Variants in LCORL observed in about 807,000 individuals in gnomAD.
The protein encoded by LCORL is ligand-dependent nuclear receptor corepressor-like protein.
LCORL carries 41 observed loss-of-function variants against 141.8 expected under a neutral mutation model. The observed-to-expected ratio is 0.29, with a 90% confidence interval of 0.23 to 0.38. The LOEUF (loss-of-function observed/expected upper bound fraction) is 0.38, where lower values mean the gene tolerates loss of function less well. Ranked by LOEUF, LCORL falls within the 10% of genes least tolerant of loss-of-function variation. The pLI is 1.00. For missense variants in LCORL, 1,759 were observed against 2,035.0 expected (o/e 0.86, Z 2.61); for synonymous variants, 618 against 694.1 (o/e 0.89, Z 1.72).
intron 5 of LCORL, among the ~76,000 whole-genome samples, chr4:17,906,316 A>G (rs887504406): frequency 6.6e-6 from 1 of 152,176 alleles, no homozygotes; most frequent in Non-Finnish European, 1.5e-5. Context: ...GTAGCTTTCT[A>G]TGACCCTAAG....
At chr4:17,912,573 A>T in intron 4 of LCORL, 1 of 436,688 alleles carries the variant, frequency 2.3e-6, no homozygotes, top group Non-Finnish European at 4.4e-6. Flanking sequence ...GGAGCTGCTG[A>T]GATGGTGCTC....
intron 6 of LCORL, among the ~76,000 whole-genome samples, chr4:17,885,325 A>T (rs1192219141): frequency 6.6e-6 from 1 of 151,988 alleles, no homozygotes; most frequent in Non-Finnish European, 1.5e-5. Flanking sequence ...GATATTATAA[A>T]TGTCACTATT....
chr4:17,932,564 T>TA (rs1736218669), intron 4 of LCORL, among the ~76,000 whole-genome samples: 1 of 152,158 alleles, frequency 6.6e-6, no homozygotes, highest in Admixed American at 6.5e-5. Flanking sequence ...GCTTTAGCCT[T>TA]AAATAAAATA....
At chr4:17,978,635 GT>G (rs1227585320) in intron 1 of LCORL, among the ~76,000 whole-genome samples, 2 of 151,752 alleles carry the variant, frequency 1.3e-5, no homozygotes, top group African/African-American at 4.8e-5. Flanking sequence ...TTCACTTTGG[GT>G]GGTGGGAACT....
chr4:17,896,712 TC>T (rs1321700210), intron 5 of LCORL, among the ~76,000 whole-genome samples: 2 of 152,196 alleles, frequency 1.3e-5, no homozygotes, highest in Non-Finnish European at 2.9e-5. Flanking sequence ...CAAGCATTTA[TC>T]CTTTGTGTTG....
intron 6 of LCORL, chr4:17,882,516 C>T: frequency 2.0e-6 from 2 of 984,544 alleles, no homozygotes; most frequent in Non-Finnish European, 2.4e-6. Flanking sequence ...CACTGCCCAG[C>T]TTCTAACTAC....
intron 1 of LCORL, among the ~76,000 whole-genome samples, chr4:17,973,438 A>G (rs1716356914): frequency 6.6e-6 from 1 of 151,862 alleles, no homozygotes; most frequent in South Asian, 2.1e-4. Context: ...ATTACTGAAA[A>G]TCTTACCAAG....
intron 7 of LCORL, among the ~76,000 whole-genome samples, chr4:17,871,068 AAAG>A: frequency 6.6e-6 from 1 of 152,144 alleles, no homozygotes; most frequent in Non-Finnish European, 1.5e-5. Context: ...TTTATTCTAC[AAAG>A]AAGAAAAACA....
chr4:18,016,896 T>C (rs1025599180), intron 1 of LCORL, among the ~76,000 whole-genome samples: 2 of 152,140 alleles, frequency 1.3e-5, no homozygotes, highest in African/African-American at 4.8e-5. Context: ...ACAGTGATTA[T>C]CAGCTTCTGT....
chr4:17,990,709 A>G (rs16896210), intron 1 of LCORL, among the ~76,000 whole-genome samples: 36,570 of 149,120 alleles, frequency 0.25, 5,834 homozygotes, highest in African/African-American at 0.45. Context: ...AGCAGGTCTC[A>G]GCCTTCTGCT....
chr4:17,941,607 G>A (rs893682451), intron 4 of LCORL, among the ~76,000 whole-genome samples: 3 of 152,102 alleles, frequency 2.0e-5, no homozygotes, highest in Admixed American at 2.0e-4. Flanking sequence ...TGCAAGACAA[G>A]TTCAGAAGAG....
At chr4:17,851,114 T>A (rs1418328579) in intron 7 of LCORL, among the ~76,000 whole-genome samples, 1 of 121,814 alleles carries the variant, frequency 8.2e-6, no homozygotes, top group Non-Finnish European at 1.6e-5. Context: ...AACATCACAC[T>A]CTGGGGACTG....
chr4:17,972,173 T>C (rs1716087215), intron 2 of LCORL, among the ~76,000 whole-genome samples: 1 of 151,816 alleles, frequency 6.6e-6, no homozygotes, highest in African/African-American at 2.4e-5. Flanking sequence ...CCAAACTCAG[T>C]AAAACTAGAA....
At chr4:17,849,762 C>T (rs1723403616) in intron 7 of LCORL, among the ~76,000 whole-genome samples, 1 of 152,014 alleles carries the variant, frequency 6.6e-6, no homozygotes, top group Admixed American at 6.6e-5. Context: ...ACTTTCTTCA[C>T]AGAATTGGAA....
At chr4:17,986,856 C>G (rs1321173957) in intron 1 of LCORL, among the ~76,000 whole-genome samples, 1 of 152,130 alleles carries the variant, frequency 6.6e-6, no homozygotes, top group African/African-American at 2.4e-5. Context: ...TAACAATTAT[C>G]AAATTCATAA....
rs1315259039 is a variant in LCORL at position 17,858,238 on chromosome 4, A to C, written c.5603-12337T>G. 5.9e-5 allele frequency among the ~76,000 whole-genome samples: 9 copies of C among 152,306 alleles called. No individual in the cohort carries two copies. The East Asian group carries it at 1.7e-3, about 29-fold the overall frequency. On this transcript the variant is annotated intron_variant, in intron 7 of 7. Coordinates refer to ENST00000635767, the Ensembl canonical transcript of LCORL. ...AATAAAAAATATCCTAGATGGTATT[A>C]ATAGCAGATTAAACAATGCCAAAGA...
chr4:17,911,470 A>G (rs1409357810), intron 4 of LCORL, among the ~76,000 whole-genome samples: 1 of 152,252 alleles, frequency 6.6e-6, no homozygotes, highest in Non-Finnish European at 1.5e-5. Context: ...ATCCAGTATC[A>G]GTGCAACATG....
chr4:17,979,143 C>G lies in LCORL; in HGVS notation c.155-6258G>C, dbSNP rs543076995. On this transcript the variant is annotated intron_variant, in intron 1 of 7. Transcript: ENST00000635767. ...ATTCCCACCTATGAGTGAGAACATG[C>G]GGTGTTTGGTTTTTTGCCTTCTTAA... Among the ~76,000 whole-genome samples, 9 of 152,100 alleles carry G rather than the reference C, an allele frequency of 5.9e-5. No homozygotes were observed. The East Asian group carries it at 1.7e-3, about 29-fold the overall frequency.
exon 7 of LCORL, chr4:17,876,644 A>G: frequency 1.6e-6 from 2 of 1,230,870 alleles, no homozygotes; most frequent in East Asian, 3.2e-5. Context: ...CATATACAGA[A>G]TACCACCCTG....
Sources: allele counts gnomAD v4.1 joint callset (sites outside exome capture counted in the v4.1 genomes callset), GRCh38; gene constraint gnomAD v4.1.1; transcripts MANE v1.5; gene names NCBI Gene and HGNC (gene_info 2026-07-23, HGNC 2026-07-21).